The following ATP2B3 variants were observed in gnomAD, a reference collection of about 807,000 sequenced individuals.
The protein encoded by ATP2B3 is ATPase plasma membrane Ca2+ transporting 3, also known as plasma membrane calcium-transporting ATPase 3.
A neutral mutation model predicts 70.8 loss-of-function variants in ATP2B3; 12 were observed. The observed-to-expected ratio is 0.17, with a 90% confidence interval of 0.11 to 0.27. The LOEUF is 0.27. ATP2B3 is among the 10% of genes least tolerant of loss of function. The pLI is 1.00. For missense variants in ATP2B3, 858 were observed against 1,118.5 expected (o/e 0.77, Z 3.32); for synonymous variants, 460 against 497.8 (o/e 0.92, Z 1.01).
At chrX:153,558,648 G>A (rs114514201) in intron 17 of ATP2B3, among the ~76,000 whole-genome samples, 7 of 111,955 alleles carry the variant, frequency 6.3e-5, no homozygotes, top group Non-Finnish European at 1.1e-4. Flanking sequence ...TGCCTGTTCC[G>A]GACATTTCAT....
At position 153,541,895 on chromosome X, in the gene ATP2B3, G is replaced by A; in HGVS notation, c.633G>A (p.Leu211=). 4.1e-6 allele frequency: 5 copies of A among 1,211,415 alleles called. No homozygotes were observed. The highest frequency in any genetic ancestry group is 5.6e-6 in the Non-Finnish European group (5 of 895,499). ...GQLLQVPVAA[L]VVGDIAQVKY... Reference sequence around the variant, plus strand: ...TCCTCCAGGTCCCCGTGGCTGCGCTGGTGGTGGGGGACATTGCCCAGGTCA... The same window carrying A: ...TCCTCCAGGTCCCCGTGGCTGCGCTAGTGGTGGGGGACATTGCCCAGGTCA... Residue 211 remains leucine, a synonymous_variant, in exon 5 of 22, where the codon CTG becomes CTA. Transcript: ENST00000263519.
intron 21 of ATP2B3, among the ~76,000 whole-genome samples, chrX:153,570,681 C>T (rs2090773407): frequency 9.0e-6 from 1 of 111,211 alleles, no homozygotes; most frequent in Non-Finnish European, 1.9e-5. Flanking sequence ...AACTTTCGCG[C>T]GTGGGCCCAG....
chrX:153,549,546 C>T lies in ATP2B3; in HGVS notation c.1388C>T (p.Thr463Ile). ...GTGCGCCACCTGGATGCCTGCGAGA[C>T]CATGGGCAACGCCACAGCCATCTGC... ...NLVRHLDACE[T>I]MGNATAICSD... Residue 463 changes from threonine to isoleucine, a missense_variant, in exon 11 of 22, where the codon ACC becomes ATC. By Grantham distance (89) the Thr-to-Ile change is moderately conservative. Transcript: ENST00000263519. 1 of 1,212,350 alleles carries T rather than the reference C, an allele frequency of 8.2e-7. No individual in the cohort carries two copies. The highest frequency in any genetic ancestry group is 1.1e-6 in the Non-Finnish European group (1 of 895,640).
rs1057360935 is a variant in ATP2B3 at position 153,550,397 on chromosome X, A to G, written c.1823+111A>G. On this transcript the variant is annotated intron_variant, in intron 12 of 21. Transcript: ENST00000263519. ...CCATTTCAACCACTTTACAGTGTAC[A>G]GTTGAATGGCATTAAGCACGTTCAC... 1.7e-5 allele frequency: 19 copies of G among 1,088,343 alleles called. No individual in the cohort carries two copies. The Middle Eastern group carries it at 8.2e-4, about 47-fold the overall frequency. The allele number at this position is 1,088,343 out of a possible 1,213,427, so 89.7% of individuals were successfully genotyped here. A position where few individuals can be genotyped will look rare whatever the true frequency, so the allele number is the denominator to read the frequency against.
chrX:153,545,962 C>A, intron 7 of ATP2B3, 126 bp from the exon 8 acceptor site: 1 of 698,086 alleles, frequency 1.4e-6, no homozygotes, highest in Non-Finnish European at 2.2e-6. Context: ...ACGGGGTGAG[C>A]CTGGAGAGGA....
chrX:153,566,075 C>G (rs185206152), intron 21 of ATP2B3, among the ~76,000 whole-genome samples: 2 of 112,548 alleles, frequency 1.8e-5, no homozygotes, highest in South Asian at 7.3e-4. Context: ...GGCCTGGCCC[C>G]TCTCCCACCG....
intron 9 of ATP2B3, 129 bp from the exon 10 acceptor site, chrX:153,548,511 G>A (rs1044939128): frequency 1.7e-5 from 10 of 597,982 alleles, no homozygotes; most frequent in South Asian, 1.2e-4. Flanking sequence ...ATCCTGAAAC[G>A]CAAGGCAAAT....
At chrX:153,560,544 G>C in intron 18 of ATP2B3, 132 bp from the exon 19 acceptor site, 1 of 749,166 alleles carries the variant, frequency 1.3e-6, no homozygotes, top group Non-Finnish European at 1.9e-6. Flanking sequence ...CTTGGGCCTT[G>C]GCCGTGAGCT....
intron 2 of ATP2B3, among the ~76,000 whole-genome samples, chrX:153,526,004 C>T (rs782645554): frequency 3.3e-4 from 37 of 113,164 alleles, no homozygotes; most frequent in Non-Finnish European, 5.8e-4. Context: ...TCCCAGGCCA[C>T]CGCCTGGCCC....
chrX:153,562,316 C>G (rs2090637522), intron 20 of ATP2B3, 74 bp downstream of exon 20: 5 of 985,620 alleles, frequency 5.1e-6, no homozygotes, highest in Admixed American at 2.3e-5. Context: ...TTGCCCTAAC[C>G]CTGCTTCAGA....
At chrX:153,523,669 A>G (rs1447276006) in intron 2 of ATP2B3, among the ~76,000 whole-genome samples, 1 of 104,425 alleles carries the variant, frequency 9.6e-6, no homozygotes, top group African/African-American at 3.5e-5. Context: ...TTCCTTGTGA[A>G]TTATCTGTTC....
chrX:153,527,997 C>T (rs7886301), intron 2 of ATP2B3, among the ~76,000 whole-genome samples: 4,410 of 112,693 alleles, frequency 0.039, 84 homozygotes, highest in Non-Finnish European at 0.047. Flanking sequence ...CCTGCCTTCT[C>T]ACCAACCCAG....
intron 3 of ATP2B3, among the ~76,000 whole-genome samples, chrX:153,540,414 G>A (rs1294024052): frequency 4.5e-5 from 5 of 112,081 alleles, no homozygotes; most frequent in South Asian, 3.8e-4. Flanking sequence ...CTCTCCTCGC[G>A]TGACACCGTT....
chrX:153,536,376 C>G lies in ATP2B3; in HGVS notation c.129C>G (p.Ala43=), dbSNP rs201244688. ...GCACCCTCATGGAGCTGCGAGGGGC[C>G]GAGGCGCTGCAGAAGATCGAGGAGG... ...ELRTLMELRG[A]EALQKIEEAY... is the part of the protein sequence containing the mutation. The change falls in exon 3 of 22, where the codon GCC becomes GCG. Residue 43 remains alanine, a synonymous_variant. Transcript: ENST00000263519. The G allele has an allele frequency of 9.3e-5, 112 of 1,203,395 alleles. No homozygotes were observed. Among genetic ancestry groups the G allele is most frequent in the Non-Finnish European group, 1.1e-4 (101 of 892,361 alleles).
At chrX:153,533,471 A>G (rs2090146700) in intron 2 of ATP2B3, among the ~76,000 whole-genome samples, 1 of 110,597 alleles carries the variant, frequency 9.0e-6, no homozygotes, top group Non-Finnish European at 1.9e-5. Context: ...AAGTGCTCAG[A>G]AGGAATCTGG....
At chrX:153,573,859 G>A (rs1442357867) in intron 21 of ATP2B3, among the ~76,000 whole-genome samples, 1 of 112,466 alleles carries the variant, frequency 8.9e-6, no homozygotes, top group Non-Finnish European at 1.9e-5. Context: ...AGGCTCACAC[G>A]GTCCTGGGCA....
intron 8 of ATP2B3, among the ~76,000 whole-genome samples, chrX:153,546,970 C>T (rs1016394633): frequency 1.8e-5 from 2 of 111,864 alleles, no homozygotes; most frequent in South Asian, 3.8e-4. Context: ...GGAGCCGTGG[C>T]GAATGGCCTT....
At position 153,560,808 on chromosome X, in the gene ATP2B3, A is replaced by T; in HGVS notation, c.2972A>T (p.His991Leu). The change falls in exon 19 of 22, where the codon CAC (histidine) becomes CTC (leucine). Residue 991 changes from histidine to leucine, a missense_variant. By Grantham distance (99) the His-to-Leu change is moderately conservative. Transcript: ENST00000263519. ...LFNEINARKI[H>L]GERNVFDGIF... is the part of the protein sequence containing the mutation. ...AACGAGATCAACGCCCGCAAGATCC[A>T]CGGCGAGAGGAACGTGTTCGACGGC... 1 of 1,211,900 alleles carries T rather than the reference A, an allele frequency of 8.3e-7. No homozygotes were observed. Among genetic ancestry groups the T allele is most frequent in the Admixed American group, 2.2e-5 (1 of 46,054 alleles).
chrX:153,523,711 TCCC>T (rs1251660416), intron 2 of ATP2B3, among the ~76,000 whole-genome samples: 3 of 49,333 alleles, frequency 6.1e-5, no homozygotes, highest in Admixed American at 2.7e-4. Flanking sequence ...TTTTTTTTTT[TCCC>T]TGAGACAGTC....
Sources: allele counts gnomAD v4.1 joint callset (sites outside exome capture counted in the v4.1 genomes callset), GRCh38; gene constraint gnomAD v4.1.1; transcripts MANE v1.5; gene names NCBI Gene and HGNC (gene_info 2026-07-23, HGNC 2026-07-21).